POU2F1: variants seen among roughly 807,000 people sequenced by gnomAD.
The protein encoded by POU2F1 is POU domain, class 2, transcription factor 1.
POU2F1 carries 16 observed loss-of-function variants against 84.9 expected under a neutral mutation model. The ratio of observed to expected loss-of-function variants is 0.19; its 90% CI spans 0.13 to 0.29. The LOEUF (loss-of-function observed/expected upper bound fraction) is 0.29. Ranked by LOEUF, POU2F1 falls within the 10% of genes least tolerant of loss-of-function variation. POU2F1 has a pLI of 1.00. For synonymous variants in POU2F1, 368 were observed against 368.3 expected (o/e 1.00, Z 0.01); for missense variants, 738 against 942.6 (o/e 0.78, Z 2.84).
intron 8 of POU2F1, among the ~76,000 whole-genome samples, chr1:167,386,374 T>C (rs949471039): frequency 2.6e-5 from 4 of 152,168 alleles, no homozygotes; most frequent in African/African-American, 9.7e-5. Context: ...TTTGTAGAGA[T>C]GGGGTTTCGC....
chr1:167,262,916 AT>A (rs1163865162), intron 1 of POU2F1, among the ~76,000 whole-genome samples: 1 of 152,160 alleles, frequency 6.6e-6, no homozygotes, highest in African/African-American at 2.4e-5. Context: ...AAGTACATAA[AT>A]TGGGGCCAGT....
rs1652607135 is a variant in POU2F1, at chr1:167,274,807, C to T, written c.61+53849C>T. Among the ~76,000 whole-genome samples, 8 of 152,222 alleles carry T rather than the reference C, an allele frequency of 5.3e-5. No individual in the cohort carries two copies. The South Asian group carries it at 1.7e-3, about 32-fold the overall frequency. ...GTTACGCTTTCTTGTAAATCCAGTT[C>T]TTGCGAAAATGCTTGTTGCCTTTCA... is the stretch of plus-strand genomic sequence containing the variant. On this transcript the variant is annotated intron_variant, in intron 1 of 15. Coordinates refer to ENST00000367866, the MANE Select transcript of POU2F1 (RefSeq NM_002697.4).
Position 167,422,250 on chromosome 1 carries a change from A to C in POU2F1, c.*6440A>C, listed in dbSNP as rs1200314508. ...GTGAATGCCTGGATGTGCAGTTGAG[A>C]AACAGAGGCAGACATAGACATGCAC... On this transcript the variant is annotated 3_prime_UTR_variant, in exon 16 of 16. Transcript: ENST00000367866. 5 of 152,270 alleles carry C rather than the reference A, an allele frequency of 3.3e-5. No individual in the cohort carries two copies. Among genetic ancestry groups the C allele is most frequent in the Non-Finnish European group, 7.3e-5 (5 of 68,066 alleles). The allele number at this position is 152,270 out of a possible 1,614,324, so 9.4% of individuals were successfully genotyped here. A position where few individuals can be genotyped will look rare whatever the true frequency, so the allele number is the denominator to read the frequency against.
At chr1:167,381,603 C>CTTTTTTT (rs147770215) in intron 7 of POU2F1, among the ~76,000 whole-genome samples, 8 of 66,008 alleles carry the variant, frequency 1.2e-4, no homozygotes, top group Non-Finnish European at 1.4e-4. Flanking sequence ...GCTCTCTTCT[C>CTTTTTTT]TTTTTTTTTT....
intron 2 of POU2F1, among the ~76,000 whole-genome samples, chr1:167,337,494 G>C (rs1477993598): frequency 6.6e-6 from 1 of 152,096 alleles, no homozygotes; most frequent in Non-Finnish European, 1.5e-5. Flanking sequence ...GCCAGCAAAG[G>C]ATGGTTTGAT....
intron 9 of POU2F1, 74 bp downstream of exon 9, chr1:167,389,835 G>T: frequency 6.7e-7 from 1 of 1,502,828 alleles, no homozygotes; most frequent in Non-Finnish European, 9.0e-7. Flanking sequence ...TGTATTCATG[G>T]ATTCCACATC....
chr1:167,333,206 A>G (rs540263416), intron 2 of POU2F1, among the ~76,000 whole-genome samples: 153 of 152,228 alleles, frequency 1.0e-3, no homozygotes, highest in Middle Eastern at 6.8e-3. Context: ...CCCATGAGAG[A>G]AAGGTAAATC....
chr1:167,403,443 A>G (rs191614525), intron 13 of POU2F1, among the ~76,000 whole-genome samples: 5 of 152,284 alleles, frequency 3.3e-5, no homozygotes, highest in African/African-American at 1.2e-4. Flanking sequence ...AGAGAAGAAG[A>G]GTCAGTGTCA....
intron 2 of POU2F1, among the ~76,000 whole-genome samples, chr1:167,342,809 A>G (rs1035654331): frequency 2.0e-5 from 3 of 152,182 alleles, no homozygotes; most frequent in Non-Finnish European, 4.4e-5. Flanking sequence ...TTTATTACAT[A>G]TTTTATTGTG....
In POU2F1 at chr1:167,420,585, C is replaced by T. The variant is rs1612096; in HGVS notation, c.*4775C>T. 136,686 of 152,244 alleles carry T rather than the reference C, an allele frequency of 0.9. 62,493 individuals carry two copies. The highest frequency in any genetic ancestry group is 1 in the East Asian group (5,169 of 5,184). 9.4% of individuals were successfully genotyped at this position (152,244 alleles called of 1,614,324 possible). A position where few individuals can be genotyped will look rare whatever the true frequency, so the allele number is the denominator to read the frequency against. On this transcript the variant is annotated 3_prime_UTR_variant, in exon 16 of 16. Coordinates refer to ENST00000367866, the MANE Select transcript of POU2F1 (RefSeq NM_002697.4). ...CTGTTCCCAAACCAGGTCATCCTCA[C>T]GAAACATTCTTGACCAAGAAAAAAG... is the stretch of plus-strand genomic sequence containing the variant.
intron 1 of POU2F1, among the ~76,000 whole-genome samples, chr1:167,301,177 TTC>T (rs35418115): frequency 0.093 from 13,888 of 149,892 alleles, 1,589 homozygotes; most frequent in African/African-American, 0.28. Flanking sequence ...TTTATATTGG[TTC>T]TCTCTCTCTC....
intron 1 of POU2F1, among the ~76,000 whole-genome samples, chr1:167,284,741 A>G (rs996704348): frequency 6.6e-6 from 1 of 152,286 alleles, no homozygotes; most frequent in South Asian, 2.1e-4. Flanking sequence ...ACTTGTTTCT[A>G]GTCTTGTAAA....
intron 1 of POU2F1, among the ~76,000 whole-genome samples, chr1:167,245,732 CTT>C (rs924464409): frequency 6.6e-6 from 1 of 151,394 alleles, no homozygotes; most frequent in African/African-American, 2.4e-5. Context: ...AAAAAAAAAA[CTT>C]TTTTTGTAGA....
intron 1 of POU2F1, among the ~76,000 whole-genome samples, chr1:167,246,188 A>AT (rs1256283255): frequency 1.3e-5 from 2 of 151,502 alleles, no homozygotes; most frequent in African/African-American, 2.4e-5. Flanking sequence ...GTCACTTTGA[A>AT]TTTTTTTTTC....
chr1:167,419,238 C>T lies in POU2F1; in HGVS notation c.*3428C>T, dbSNP rs911989876. 3.3e-5 allele frequency: 5 copies of T among 152,120 alleles called. No individual in the cohort carries two copies. The South Asian group carries it at 6.2e-4, about 19-fold the overall frequency. The allele number at this position is 152,120 out of a possible 1,614,324, so 9.4% of individuals were successfully genotyped here. On this transcript the variant is annotated 3_prime_UTR_variant, in exon 16 of 16. Transcript: ENST00000367866. The stretch of plus-strand genomic sequence containing the variant: ...CTGGAAACTAAAGGGGACCAGGGAC[C>T]ATTTGACCAAAAGAGGTGTTTGGTG...
At chr1:167,245,363 C>T (rs1650233024) in intron 1 of POU2F1, among the ~76,000 whole-genome samples, 2 of 151,686 alleles carry the variant, frequency 1.3e-5, no homozygotes, top group Non-Finnish European at 2.9e-5. Flanking sequence ...CCCAACTCAA[C>T]CTCCCGAGTA....
At chr1:167,246,682 CTGT>C (rs1650342718) in intron 1 of POU2F1, among the ~76,000 whole-genome samples, 1 of 152,164 alleles carries the variant, frequency 6.6e-6, no homozygotes, top group Non-Finnish European at 1.5e-5. Flanking sequence ...AAGTGTAAAC[CTGT>C]GCAGTCTTTT....
chr1:167,372,102 T>C lies in POU2F1; in HGVS notation c.402+66T>C, dbSNP rs139852589. On this transcript the variant is annotated intron_variant, in intron 5 of 15. Coordinates refer to ENST00000367866, the MANE Select transcript of POU2F1 (RefSeq NM_002697.4). ...GTCAGAACTGCCATTGGCCAATAGC[T>C]GATTAGAATTGTTCACCATAGCTGG... is the stretch of plus-strand genomic sequence containing the variant. 9.4e-5 allele frequency: 146 copies of C among 1,548,700 alleles called. 1 individual carries two copies. In the African/African-American group the frequency reaches 1.8e-3, roughly 19 times the overall value.
intron 9 of POU2F1, among the ~76,000 whole-genome samples, chr1:167,393,421 T>C (rs1433373095): frequency 6.6e-6 from 1 of 152,210 alleles, no homozygotes; most frequent in Non-Finnish European, 1.5e-5. Context: ...TGGCATAGCT[T>C]TATTTCCAGC....
Sources: gnomAD v4.1 joint callset for allele counts (sites outside exome capture counted in the v4.1 genomes callset) on GRCh38, gnomAD v4.1.1 for gene constraint, MANE v1.5 for transcripts, NCBI Gene and HGNC (gene_info 2026-07-23, HGNC 2026-07-21) for gene names.